Variants in HS3ST4 observed in about 807,000 individuals in gnomAD.
HS3ST4 encodes heparan sulfate-glucosamine 3-sulfotransferase 4.
A neutral mutation model predicts 29.2 loss-of-function variants in HS3ST4; 17 were observed. The observed-to-expected ratio is 0.58, with a 90% CI of 0.40 to 0.87. The LOEUF is 0.87. Among genes scored for constraint, HS3ST4 ranks in the 40% least tolerant of loss-of-function variants. The pLI is 0.00. For synonymous variants in HS3ST4, 314 were observed against 285.7 expected, an observed-to-expected ratio of 1.10 and a Z score of -1.00; for missense variants, 627 against 634.5, an observed-to-expected ratio of 0.99 and a Z score of 0.13.
intron 1 of HS3ST4, among the ~76,000 whole-genome samples, chr16:25,978,238 G>A (rs993726284): frequency 1.3e-5 from 2 of 152,184 alleles, no homozygotes; most frequent in African/African-American, 4.8e-5. Flanking sequence ...AGTGACACAT[G>A]GTTCTCCCAG....
chr16:25,826,578 A>G (rs766660321), intron 1 of HS3ST4, among the ~76,000 whole-genome samples: 71 of 152,298 alleles, frequency 4.7e-4, no homozygotes, highest in Non-Finnish European at 9.4e-4. Flanking sequence ...TGCAAAAATA[A>G]GAACCATGGA....
At chr16:25,740,445 C>T (rs1481582483) in intron 1 of HS3ST4, among the ~76,000 whole-genome samples, 1 of 152,134 alleles carries the variant, frequency 6.6e-6, no homozygotes, top group Admixed American at 6.5e-5. Context: ...TTCTTGGATG[C>T]ACTGAGCCCC....
At chr16:26,084,205 G>A (rs562445856) in intron 1 of HS3ST4, among the ~76,000 whole-genome samples, 4 of 152,238 alleles carry the variant, frequency 2.6e-5, no homozygotes, top group Middle Eastern at 3.4e-3. Context: ...GTCTATGAGT[G>A]GTTATTACAC....
chr16:26,016,729 C>T (rs923362899), intron 1 of HS3ST4, among the ~76,000 whole-genome samples: 1 of 152,108 alleles, frequency 6.6e-6, no homozygotes, highest in African/African-American at 2.4e-5. Flanking sequence ...GGAGTATATA[C>T]TCTACTTTAA....
At chr16:25,756,786 AAAT>A (rs750013692) in intron 1 of HS3ST4, among the ~76,000 whole-genome samples, 11 of 152,254 alleles carry the variant, frequency 7.2e-5, no homozygotes, top group Non-Finnish European at 1.5e-4. Flanking sequence ...ACTGTTAAAA[AAAT>A]AAAAGACCTA....
intron 1 of HS3ST4, among the ~76,000 whole-genome samples, chr16:25,746,746 T>C (rs1482407185): frequency 1.3e-5 from 2 of 151,778 alleles, no homozygotes; most frequent in Non-Finnish European, 2.9e-5. Flanking sequence ...AGAGACGGGG[T>C]TTCACCATGT....
At chr16:25,921,759 C>CTT (rs71385586) in intron 1 of HS3ST4, among the ~76,000 whole-genome samples, 27 of 141,600 alleles carry the variant, frequency 1.9e-4, no homozygotes, top group African/African-American at 6.7e-4. Flanking sequence ...TTTTTTTTTT[C>CTT]TTTTTTTTTT....
intron 1 of HS3ST4, among the ~76,000 whole-genome samples, chr16:26,097,026 G>A (rs961775248): frequency 6.6e-6 from 1 of 152,098 alleles, no homozygotes; most frequent in Admixed American, 6.5e-5. Context: ...CAACTTACAA[G>A]GGATGTGAAG....
intron 1 of HS3ST4, among the ~76,000 whole-genome samples, chr16:25,696,227 TTCCCTC>T (rs1047006588): frequency 6.6e-6 from 1 of 152,200 alleles, no homozygotes; most frequent in African/African-American, 2.4e-5. Context: ...CCATGCCCTC[TTCCCTC>T]TCCCTTTCCA....
rs903064070 is a variant in HS3ST4, at chr16:25,737,306, G to A, written c.734+44155G>A. ...GCCAGTGGTGATACTTGTGAGACAT[G>A]TTCTGGTTTGATGTAGATTAAAATG... On this transcript the variant is annotated intron_variant, in intron 1 of 1. Coordinates refer to ENST00000331351, the MANE Select transcript of HS3ST4 (RefSeq NM_006040.3). Among the ~76,000 whole-genome samples the A allele has an allele frequency of 2.0e-5, 3 of 152,046 alleles. No individual in the cohort carries two copies. The East Asian group carries it at 5.8e-4, about 29-fold the overall frequency.
chr16:25,765,642 G>A (rs1426746867), intron 1 of HS3ST4, among the ~76,000 whole-genome samples: 1 of 152,174 alleles, frequency 6.6e-6, no homozygotes, highest in Non-Finnish European at 1.5e-5. Context: ...CCTGGCTTCA[G>A]AGCATTTCTT....
At chr16:26,012,154 T>C (rs1969316725) in intron 1 of HS3ST4, among the ~76,000 whole-genome samples, 1 of 152,154 alleles carries the variant, frequency 6.6e-6, no homozygotes. Context: ...CAGGGTGTGG[T>C]TTGCAGGCGA....
At chr16:26,006,300 G>GAAAAAAAAAAAAAA in intron 1 of HS3ST4, among the ~76,000 whole-genome samples, 1 of 68,670 alleles carries the variant, frequency 1.5e-5, no homozygotes, top group Non-Finnish European at 2.4e-5. Flanking sequence ...CTCTGTTTCA[G>GAAAAAAAAAAAAAA]AAAAAAAAAA....
chr16:25,847,017 T>G (rs1327693411), intron 1 of HS3ST4, among the ~76,000 whole-genome samples: 1 of 151,940 alleles, frequency 6.6e-6, no homozygotes, highest in Non-Finnish European at 1.5e-5. Context: ...ACACGAGTTT[T>G]TTTTTTTTTT....
intron 1 of HS3ST4, among the ~76,000 whole-genome samples, chr16:25,985,776 G>T (rs557175281): frequency 3.4e-4 from 52 of 152,074 alleles, no homozygotes; most frequent in Admixed American, 3.2e-3. Context: ...AGCCTCAACC[G>T]CTGGGCTCAA....
At chr16:25,870,036 A>G (rs1284207016) in intron 1 of HS3ST4, among the ~76,000 whole-genome samples, 1 of 152,064 alleles carries the variant, frequency 6.6e-6, no homozygotes, top group Non-Finnish European at 1.5e-5. Flanking sequence ...AGGACACCGA[A>G]CCTTCTGTTG....
At chr16:25,748,244 G>A (rs947963591) in intron 1 of HS3ST4, among the ~76,000 whole-genome samples, 4 of 152,082 alleles carry the variant, frequency 2.6e-5, no homozygotes, top group African/African-American at 4.8e-5. Flanking sequence ...GTTGCATGCC[G>A]CTCCCCTCCC....
chr16:26,068,754 T>C (rs1898568417), intron 1 of HS3ST4, among the ~76,000 whole-genome samples: 1 of 152,064 alleles, frequency 6.6e-6, no homozygotes, highest in Non-Finnish European at 1.5e-5. Context: ...ACATACGAGA[T>C]GTATTTTGGC....
chr16:25,761,772 G>A (rs1266958404), intron 1 of HS3ST4, among the ~76,000 whole-genome samples: 1 of 152,140 alleles, frequency 6.6e-6, no homozygotes, highest in African/African-American at 2.4e-5. Flanking sequence ...TAATAATCAT[G>A]ATCTGATTAT....
Sources: allele counts gnomAD v4.1 joint callset (sites outside exome capture counted in the v4.1 genomes callset), GRCh38; gene constraint gnomAD v4.1.1; transcripts MANE v1.5; gene names NCBI Gene and HGNC (gene_info 2026-07-23, HGNC 2026-07-21).